RBFOX1: variants seen among roughly 807,000 people sequenced by gnomAD.
RBFOX1 encodes the protein RNA binding fox-1 homolog 1.
Under a neutral mutation model 57.7 loss-of-function variants are expected in RBFOX1, and 8 were observed. The observed-to-expected ratio is 0.14, with a 90% CI of 0.08 to 0.25. The LOEUF (loss-of-function observed/expected upper bound fraction) is 0.25. Among genes scored for constraint, RBFOX1 ranks in the 10% least tolerant of loss-of-function variants. The pLI, the probability that RBFOX1 is intolerant of heterozygous loss-of-function variation, is 1.00. For missense variants in RBFOX1, 611 were observed against 548.5 expected (o/e 1.11, Z -1.14); for synonymous variants, 326 against 222.4 (o/e 1.47, Z -4.15).
At chr16:7,279,285 G>A (rs1354755435) in intron 4 of RBFOX1, among the ~76,000 whole-genome samples, 1 of 152,112 alleles carries the variant, frequency 6.6e-6, no homozygotes, top group East Asian at 1.9e-4. Flanking sequence ...GTGGTACAGT[G>A]TCTCTTTGGT....
At chr16:5,940,515 A>G (rs1355501515) in intron 4 of RBFOX1, among the ~76,000 whole-genome samples, 1 of 152,192 alleles carries the variant, frequency 6.6e-6, no homozygotes, top group Non-Finnish European at 1.5e-5. Context: ...TGGGGATATT[A>G]AGATCCTCAC....
At chr16:6,680,895 T>A (rs1346394705) in intron 3 of RBFOX1, among the ~76,000 whole-genome samples, 1 of 152,230 alleles carries the variant, frequency 6.6e-6, no homozygotes, top group Non-Finnish European at 1.5e-5. Context: ...TAGAATTGAA[T>A]CAATATTTAT....
intron 1 of RBFOX1, among the ~76,000 whole-genome samples, chr16:5,249,997 G>A (rs1476944643): frequency 9.3e-5 from 14 of 150,762 alleles, no homozygotes; most frequent in Non-Finnish European, 1.6e-4. Flanking sequence ...TGAGGAGGAG[G>A]TTGCAGTGAG....
At chr16:7,161,035 G>A (rs1175860888) in intron 4 of RBFOX1, among the ~76,000 whole-genome samples, 1 of 151,984 alleles carries the variant, frequency 6.6e-6, no homozygotes, top group African/African-American at 2.4e-5. Context: ...TGTTGTCAGT[G>A]TTTTGGTTCA....
At position 7,578,265 on chromosome 16, in the gene RBFOX1, A is replaced by G. The variant is rs150868194; in HGVS notation, c.271-1512A>G. Among the ~76,000 whole-genome samples, 651 of 152,346 alleles carry G rather than the reference A, an allele frequency of 4.3e-3. 6 individuals carry two copies. The highest frequency in any genetic ancestry group is 0.015 in the African/African-American group (625 of 41,582). ...TATTCTTTATTTACCAGTTAAGAAA[A>G]TGACCACTGTACTGCTTCCTATTCA... On this transcript the variant is annotated intron_variant, in intron 5 of 15. Transcript: ENST00000550418.
intron 4 of RBFOX1, among the ~76,000 whole-genome samples, chr16:7,326,464 G>T (rs573762174): frequency 2.1e-4 from 32 of 152,218 alleles, no homozygotes; most frequent in African/African-American, 7.5e-4. Context: ...TGTTGGTGGG[G>T]CACTGAAGAC....
At chr16:6,740,840 G>C (rs1259223439) in intron 3 of RBFOX1, among the ~76,000 whole-genome samples, 1 of 152,106 alleles carries the variant, frequency 6.6e-6, no homozygotes, top group African/African-American at 2.4e-5. Context: ...AATATCAGCA[G>C]AGTTTTTAAA....
chr16:7,495,629 T>C (rs66487837), intron 4 of RBFOX1, among the ~76,000 whole-genome samples: 24,567 of 152,268 alleles, frequency 0.16, 3,078 homozygotes, highest in East Asian at 0.53. Flanking sequence ...TTTTGAGAAA[T>C]GTCTGTTTGT....
At chr16:7,241,750 C>T (rs1251096562) in intron 4 of RBFOX1, among the ~76,000 whole-genome samples, 2 of 151,914 alleles carry the variant, frequency 1.3e-5, no homozygotes, top group Non-Finnish European at 2.9e-5. Flanking sequence ...CACACACATG[C>T]CCATTTTCTC....
chr16:5,708,727 C>T (rs916553647), intron 3 of RBFOX1, among the ~76,000 whole-genome samples: 1 of 152,100 alleles, frequency 6.6e-6, no homozygotes, highest in South Asian at 2.1e-4. Context: ...CCGGCTTGGG[C>T]AATAAAAATC....
intron 1 of RBFOX1, among the ~76,000 whole-genome samples, chr16:6,139,817 A>T (rs2096700641): frequency 6.6e-6 from 1 of 151,990 alleles, no homozygotes; most frequent in South Asian, 2.1e-4. Context: ...TTTTTATCCA[A>T]ATGCCATGTC....
At chr16:6,690,102 G>C (rs1167056403) in intron 3 of RBFOX1, among the ~76,000 whole-genome samples, 2 of 152,202 alleles carry the variant, frequency 1.3e-5, no homozygotes, top group East Asian at 1.9e-4. Flanking sequence ...TTATCCGTGA[G>C]TGAAATAAAA....
At chr16:5,353,526 G>T (rs940656337) in intron 1 of RBFOX1, among the ~76,000 whole-genome samples, 2 of 152,170 alleles carry the variant, frequency 1.3e-5, no homozygotes, top group African/African-American at 4.8e-5. Flanking sequence ...ATGCAGGATG[G>T]ATTTATGTGA....
At chr16:7,666,227 T>C (rs754085926) in intron 13 of RBFOX1, among the ~76,000 whole-genome samples, 3 of 152,104 alleles carry the variant, frequency 2.0e-5, no homozygotes, top group Non-Finnish European at 4.4e-5. Flanking sequence ...CTCGACTCCA[T>C]GCAGCCCATG....
At chr16:6,519,018 C>G (rs2096448029) in intron 2 of RBFOX1, among the ~76,000 whole-genome samples, 1 of 151,872 alleles carries the variant, frequency 6.6e-6, no homozygotes, top group Admixed American at 6.6e-5. Flanking sequence ...CTCCCAAGGA[C>G]TGTGAGAAGA....
chr16:6,100,481 A>T (rs2096292335), intron 1 of RBFOX1, among the ~76,000 whole-genome samples: 1 of 152,174 alleles, frequency 6.6e-6, no homozygotes. Flanking sequence ...CTTTATTCTA[A>T]TGTGATGCTT....
intron 14 of RBFOX1, among the ~76,000 whole-genome samples, chr16:7,707,753 T>C (rs2082950588): frequency 6.6e-6 from 1 of 152,196 alleles, no homozygotes; most frequent in South Asian, 2.1e-4. Context: ...TGCCTCTAGG[T>C]GGAACCTGCT....
At chr16:5,944,269 T>G (rs2059346229) in intron 4 of RBFOX1, among the ~76,000 whole-genome samples, 1 of 152,222 alleles carries the variant, frequency 6.6e-6, no homozygotes, top group Admixed American at 6.5e-5. Flanking sequence ...TCAATCTTGG[T>G]TGCTTATCTC....
At chr16:7,682,861 T>C (rs2075118686) in intron 14 of RBFOX1, among the ~76,000 whole-genome samples, 1 of 149,190 alleles carries the variant, frequency 6.7e-6, no homozygotes, top group Non-Finnish European at 1.5e-5. Flanking sequence ...GGTTTTTGCC[T>C]ATTCAGACTC....
Sources: gnomAD v4.1 joint callset for allele counts (sites outside exome capture counted in the v4.1 genomes callset) on GRCh38, gnomAD v4.1.1 for gene constraint, MANE v1.5 for transcripts, NCBI Gene and HGNC (gene_info 2026-07-23, HGNC 2026-07-21) for gene names.